CSMD1: variants seen among roughly 807,000 people sequenced by gnomAD.
CSMD1 encodes CUB and Sushi multiple domains 1, also known as CUB and sushi domain-containing protein 1.
A neutral mutation model predicts 417.5 loss-of-function variants in CSMD1; 213 were observed. The ratio of observed to expected loss-of-function variants is 0.51; its 90% confidence interval spans 0.46 to 0.57. The LOEUF (loss-of-function observed/expected upper bound fraction) is 0.57. Among genes scored for constraint, CSMD1 ranks in the 20% least tolerant of loss-of-function variants. The pLI is 0.00. For synonymous variants in CSMD1, 2,862 were observed against 1,736.8 expected, an observed-to-expected ratio of 1.65 and a Z score of -16.11; for missense variants, 6,923 against 4,529.7, an observed-to-expected ratio of 1.53 and a Z score of -15.17.
rs747720579 is a variant in CSMD1 at position 3,052,461 on chromosome 8, C to A, written c.7660+1G>T. 1 of 1,565,866 alleles carries A rather than the reference C, an allele frequency of 6.4e-7. No homozygotes were observed. Among genetic ancestry groups the A allele is most frequent in the Non-Finnish European group, 8.7e-7 (1 of 1,154,382 alleles). ...ATGGGCAGATGCCCCTGAACACTTA[C>A]GCTTACACGTGGGCGGCTTCCCCTT... On this transcript the variant is annotated splice_donor_variant, in intron 50 of 69. Coordinates refer to ENST00000635120, the MANE Select transcript of CSMD1 (RefSeq NM_033225.6). LOFTEE classifies it high-confidence loss of function.
At chr8:4,143,750 T>G (rs1161362132) in intron 3 of CSMD1, among the ~76,000 whole-genome samples, 1 of 151,176 alleles carries the variant, frequency 6.6e-6, no homozygotes, top group Non-Finnish European at 1.5e-5. Flanking sequence ...AAGGGGGGAT[T>G]TATTAAAGCC....
intron 2 of CSMD1, among the ~76,000 whole-genome samples, chr8:4,507,261 A>C (rs1192923517): frequency 2.0e-5 from 3 of 152,304 alleles, no homozygotes; most frequent in East Asian, 3.9e-4. Flanking sequence ...TATATTACTT[A>C]TTTTCTCTAA....
chr8:4,318,472 T>G (rs1799065776), intron 3 of CSMD1, among the ~76,000 whole-genome samples: 1 of 152,076 alleles, frequency 6.6e-6, no homozygotes, highest in African/African-American at 2.4e-5. Flanking sequence ...TAGCAAGTAA[T>G]GAAACAAAGC....
At chr8:4,483,869 G>C (rs981705143) in intron 2 of CSMD1, among the ~76,000 whole-genome samples, 1 of 152,132 alleles carries the variant, frequency 6.6e-6, no homozygotes, top group African/African-American at 2.4e-5. Flanking sequence ...ACAATACTTA[G>C]AGTAAGTCAA....
At chr8:4,803,741 A>G (rs1308959355) in intron 1 of CSMD1, among the ~76,000 whole-genome samples, 1 of 152,194 alleles carries the variant, frequency 6.6e-6, no homozygotes, top group East Asian at 1.9e-4. Flanking sequence ...TAAAATACTA[A>G]TATAATTTTT....
intron 5 of CSMD1, among the ~76,000 whole-genome samples, chr8:3,766,294 C>T (rs1798262799): frequency 1.3e-5 from 2 of 152,148 alleles, no homozygotes; most frequent in Non-Finnish European, 2.9e-5. Context: ...GGAGGACCCT[C>T]CACGGGTGAC....
intron 3 of CSMD1, among the ~76,000 whole-genome samples, chr8:4,375,956 C>T (rs1802705388): frequency 6.6e-6 from 1 of 152,176 alleles, no homozygotes; most frequent in African/African-American, 2.4e-5. Flanking sequence ...TGGCAACCTC[C>T]AGGCCTTGCC....
At chr8:4,205,726 T>G (rs1799941061) in intron 3 of CSMD1, among the ~76,000 whole-genome samples, 1 of 126,572 alleles carries the variant, frequency 7.9e-6, no homozygotes, top group Admixed American at 7.5e-5. Flanking sequence ...TTATTTCAGC[T>G]CACTTCCTAG....
chr8:4,202,544 G>A (rs1014887863), intron 3 of CSMD1, among the ~76,000 whole-genome samples: 2 of 152,094 alleles, frequency 1.3e-5, no homozygotes, highest in Non-Finnish European at 2.9e-5. Context: ...TATTTGTCAG[G>A]ACATCAGCCT....
intron 2 of CSMD1, among the ~76,000 whole-genome samples, chr8:4,506,999 C>T (rs1253701407): frequency 1.3e-5 from 2 of 152,088 alleles, no homozygotes; most frequent in East Asian, 1.9e-4. Flanking sequence ...GAAGGAATTC[C>T]TAAGAATGCT....
chr8:4,621,113 C>T (rs1801755872), intron 2 of CSMD1, among the ~76,000 whole-genome samples: 1 of 151,956 alleles, frequency 6.6e-6, no homozygotes, highest in Admixed American at 6.6e-5. Flanking sequence ...ATCTGAAATT[C>T]TTAGGACCAG....
chr8:4,764,135 A>C (rs1585061343), intron 1 of CSMD1, among the ~76,000 whole-genome samples: 1 of 152,194 alleles, frequency 6.6e-6, no homozygotes, highest in Non-Finnish European at 1.5e-5. Context: ...ATTTCGCATT[A>C]TTCTTGTTTT....
intron 26 of CSMD1, among the ~76,000 whole-genome samples, chr8:3,244,450 A>C (rs529306814): frequency 3.7e-4 from 57 of 152,142 alleles, no homozygotes; most frequent in Non-Finnish European, 5.6e-4. Context: ...CAGGTGGAGC[A>C]GGGTTAGTTT....
At chr8:4,090,845 C>G (rs554421572) in intron 3 of CSMD1, among the ~76,000 whole-genome samples, 1 of 151,596 alleles carries the variant, frequency 6.6e-6, no homozygotes, top group East Asian at 1.9e-4. Flanking sequence ...AAATATTTGG[C>G]GAAGGGATGC....
chr8:4,098,342 A>G (rs572072964), intron 3 of CSMD1, among the ~76,000 whole-genome samples: 1 of 152,330 alleles, frequency 6.6e-6, no homozygotes, highest in South Asian at 2.1e-4. Flanking sequence ...AATGCGTATC[A>G]TAATAGTGTT....
chr8:4,974,933 G>C (rs1012996627), intron 1 of CSMD1, among the ~76,000 whole-genome samples: 1 of 152,192 alleles, frequency 6.6e-6, no homozygotes, highest in African/African-American at 2.4e-5. Flanking sequence ...TTTAAAGAGA[G>C]AGACAAAGAA....
chr8:4,350,560 C>G (rs1390616277), intron 3 of CSMD1, among the ~76,000 whole-genome samples: 3 of 152,158 alleles, frequency 2.0e-5, no homozygotes, highest in African/African-American at 7.2e-5. Context: ...CCTGATTCCA[C>G]ATTTATTCAA....
rs116973644 is a variant in CSMD1, at chr8:3,568,369, G to T, written c.1344+6576C>A. Among the ~76,000 whole-genome samples the T allele has an allele frequency of 4.1e-3, 619 of 152,146 alleles. 3 individuals are homozygous for T. Among genetic ancestry groups the T allele is most frequent in the Non-Finnish European group, 7.3e-3 (494 of 67,996 alleles). On this transcript the variant is annotated intron_variant, in intron 10 of 69. Coordinates refer to ENST00000635120, the MANE Select transcript of CSMD1 (RefSeq NM_033225.6). Reference sequence around the variant, plus strand: ...TCATTGTGCTTGTATAATACACCTTGAGTCTGTACAGTTTTTGTCAATTAT... The same window carrying T: ...TCATTGTGCTTGTATAATACACCTTTAGTCTGTACAGTTTTTGTCAATTAT...
intron 26 of CSMD1, among the ~76,000 whole-genome samples, chr8:3,248,523 C>CTTTTTTTTTTTTTTTT (rs10663439): frequency 3.5e-5 from 3 of 85,946 alleles, no homozygotes; most frequent in African/African-American, 8.5e-5. Context: ...AATTCCCTCC[C>CTTTTTTTTTTTTTTTT]TTTTTTTTTT....
Sources: allele counts gnomAD v4.1 joint callset (sites outside exome capture counted in the v4.1 genomes callset), GRCh38; gene constraint gnomAD v4.1.1; transcripts MANE v1.5; gene names NCBI Gene and HGNC (gene_info 2026-07-23, HGNC 2026-07-21).